The following FYB1 variants were observed in gnomAD, a reference collection of about 807,000 sequenced individuals.
FYB1 encodes the protein FYN-binding protein 1.
FYB1 carries 41 observed loss-of-function variants against 94.1 expected under a neutral mutation model. That is an observed-to-expected ratio of 0.44 (90% CI 0.34 to 0.57). The LOEUF is 0.57. Ranked by LOEUF, FYB1 falls within the 20% of genes least tolerant of loss-of-function variation. The pLI is 0.02. For missense variants in FYB1, 1,050 were observed against 976.8 expected, an observed-to-expected ratio of 1.07 and a Z score of -1.00; for synonymous variants, 367 against 353.2, an observed-to-expected ratio of 1.04 and a Z score of -0.44.
intron 1 of FYB1, among the ~76,000 whole-genome samples, chr5:39,247,488 A>G (rs921678836): frequency 6.6e-6 from 1 of 152,180 alleles, no homozygotes; most frequent in Non-Finnish European, 1.5e-5. Flanking sequence ...ATAAAAATTC[A>G]TAGTTTTGGC....
chr5:39,134,744 T>C, intron 8 of FYB1, 111 bp downstream of exon 8: 1 of 1,106,692 alleles, frequency 9.0e-7, no homozygotes, highest in East Asian at 2.5e-5. Context: ...CTTTGTCCAC[T>C]CTGTAAAGTA....
chr5:39,154,786 G>C (rs1301517959), intron 2 of FYB1, among the ~76,000 whole-genome samples: 1 of 152,072 alleles, frequency 6.6e-6, no homozygotes, highest in Non-Finnish European at 1.5e-5. Flanking sequence ...TAGAGACAGG[G>C]TTTCACTGTG....
chr5:39,147,837 C>A (rs1304544875), intron 3 of FYB1, among the ~76,000 whole-genome samples: 1 of 151,394 alleles, frequency 6.6e-6, no homozygotes, highest in Admixed American at 6.6e-5. Context: ...CCCGCCACCA[C>A]GCCCGGCTAA....
chr5:39,190,122 T>C (rs1004060176), intron 2 of FYB1, among the ~76,000 whole-genome samples: 2 of 152,226 alleles, frequency 1.3e-5, no homozygotes, highest in African/African-American at 4.8e-5. Context: ...TTTAAAATAA[T>C]GTTGATGCTT....
intron 14 of FYB1, among the ~76,000 whole-genome samples, chr5:39,121,064 T>C (rs1445423979): frequency 6.6e-6 from 1 of 151,858 alleles, no homozygotes; most frequent in Non-Finnish European, 1.5e-5. Context: ...GGAAGAAAAT[T>C]GTCCATATCA....
chr5:39,144,320 C>T (rs1365982533), intron 3 of FYB1, among the ~76,000 whole-genome samples: 1 of 152,130 alleles, frequency 6.6e-6, no homozygotes, highest in Non-Finnish European at 1.5e-5. Flanking sequence ...TTTGATCCAG[C>T]CACCTCTACC....
chr5:39,247,527 C>G (rs1751532867), intron 1 of FYB1, among the ~76,000 whole-genome samples: 1 of 151,988 alleles, frequency 6.6e-6, no homozygotes, highest in African/African-American at 2.4e-5. Flanking sequence ...TTCATGTCAA[C>G]AGATTAACAT....
intron 1 of FYB1, chr5:39,270,567 A>G: frequency 1.3e-6 from 2 of 1,535,032 alleles, no homozygotes; most frequent in Non-Finnish European, 1.7e-6. Context: ...TCTATTACTT[A>G]CCATTTTTAT....
At chr5:39,250,397 G>T (rs4957164) in intron 1 of FYB1, among the ~76,000 whole-genome samples, 1 of 151,956 alleles carries the variant, frequency 6.6e-6, no homozygotes, top group East Asian at 1.9e-4. Context: ...TGCAGAAATC[G>T]AGGAAAGACT....
At chr5:39,124,192 T>G in intron 13 of FYB1, 61 bp downstream of exon 13, 2 of 1,141,802 alleles carry the variant, frequency 1.8e-6, no homozygotes, top group South Asian at 2.9e-5. Context: ...TCCAGAGCTT[T>G]CCCACTACCA....
chr5:39,237,994 C>T (rs1204437708), intron 1 of FYB1, among the ~76,000 whole-genome samples: 1 of 152,042 alleles, frequency 6.6e-6, no homozygotes, highest in Non-Finnish European at 1.5e-5. Context: ...ATTTACAAAT[C>T]ATACAAGTAT....
rs569511540 is a variant in FYB1 at position 39,252,464 on chromosome 5, A to C, written c.-28+21939T>G. On this transcript the variant is annotated intron_variant, in intron 1 of 1. Coordinates refer to the FYB1 transcript ENST00000510188. Reference sequence around the variant, plus strand: ...TTCTTTAATATATTTTTGATCACACACACAAACACACAAACAATCTGTTAT... The same window carrying C: ...TTCTTTAATATATTTTTGATCACACCCACAAACACACAAACAATCTGTTAT... Among the ~76,000 whole-genome samples the C allele has an allele frequency of 3.3e-5, 5 of 152,356 alleles. No individual in the cohort carries two copies. In the East Asian group the frequency reaches 9.6e-4, roughly 29 times the overall value.
At chr5:39,187,479 A>G (rs115283769) in intron 2 of FYB1, among the ~76,000 whole-genome samples, 1 of 152,354 alleles carries the variant, frequency 6.6e-6, no homozygotes, top group Non-Finnish European at 1.5e-5. Context: ...GAAGAACAAG[A>G]TGAACATTGT....
At chr5:39,262,421 TAAAAC>T (rs995855338) in intron 1 of FYB1, among the ~76,000 whole-genome samples, 6 of 152,144 alleles carry the variant, frequency 3.9e-5, no homozygotes, top group Non-Finnish European at 8.8e-5. Flanking sequence ...TCAGAAAAAT[TAAAAC>T]TAAAACAATA....
At chr5:39,158,754 A>G (rs1350722250) in intron 2 of FYB1, among the ~76,000 whole-genome samples, 1 of 152,130 alleles carries the variant, frequency 6.6e-6, no homozygotes, top group Non-Finnish European at 1.5e-5. Context: ...GAACATGTGG[A>G]GATCTGGTTC....
upstream of FYB1, among the ~76,000 whole-genome samples, chr5:39,223,019 CAGGT>C (rs1750333575): frequency 6.6e-6 from 1 of 151,984 alleles, no homozygotes; most frequent in Non-Finnish European, 1.5e-5. Context: ...GCTTAATACC[CAGGT>C]GATGGGTTGA....
Position 39,181,046 on chromosome 5 carries a change from A to G in FYB1, c.1135+20780T>C, listed in dbSNP as rs183485473. ...AGTTCAAAGGTGTTTTGCTGGGCATACAGGGAAACTTGGGGAAGAGGAGAG... is the reference window on the plus strand; with the variant it reads ...AGTTCAAAGGTGTTTTGCTGGGCATGCAGGGAAACTTGGGGAAGAGGAGAG... On this transcript the variant is annotated intron_variant, in intron 2 of 18. Transcript: ENST00000512982. Among the ~76,000 whole-genome samples the G allele has an allele frequency of 2.2e-4, 33 of 152,350 alleles. 1 individual carries two copies. In the East Asian group the frequency reaches 6.4e-3, roughly 29 times the overall value.
chr5:39,147,829 C>T (rs892656699), intron 3 of FYB1, among the ~76,000 whole-genome samples: 5 of 151,246 alleles, frequency 3.3e-5, no homozygotes, highest in Admixed American at 6.6e-5. Flanking sequence ...TGCAGGCGCC[C>T]GCCACCACGC....
At chr5:39,257,234 A>AT (rs1188222679) in intron 1 of FYB1, among the ~76,000 whole-genome samples, 3 of 152,230 alleles carry the variant, frequency 2.0e-5, no homozygotes, top group Non-Finnish European at 4.4e-5. Context: ...AAACTCTAAA[A>AT]TTTTTTATGA....
Sources: allele counts gnomAD v4.1 joint callset (sites outside exome capture counted in the v4.1 genomes callset), GRCh38; gene constraint gnomAD v4.1.1; transcripts MANE v1.5; gene names NCBI Gene and HGNC (gene_info 2026-07-23, HGNC 2026-07-21).